Variants in UBE2E2 observed in about 807,000 individuals in gnomAD.
UBE2E2 encodes ubiquitin conjugating enzyme E2 E2.
UBE2E2 carries 6 observed loss-of-function variants against 24.7 expected under a neutral mutation model. The ratio of observed to expected loss-of-function variants is 0.24; its 90% CI spans 0.13 to 0.48. The LOEUF (loss-of-function observed/expected upper bound fraction) is 0.48, where lower values mean the gene tolerates loss of function less well. UBE2E2 is among the 20% of genes least tolerant of loss of function. The probability of loss-of-function intolerance (pLI) is 0.99; values close to 1 mark genes in which losing one functional copy is unlikely to be tolerated. For missense variants in UBE2E2, 169 were observed against 245.0 expected (o/e 0.69, Z 2.07); for synonymous variants, 104 against 83.6 (o/e 1.24, Z -1.33).
At chr3:23,520,982 C>G (rs1040543764) in intron 4 of UBE2E2, among the ~76,000 whole-genome samples, 31 of 152,112 alleles carry the variant, frequency 2.0e-4, no homozygotes, top group Admixed American at 2.0e-3. Context: ...TAGTTTACTT[C>G]TACACTTTTG....
At chr3:23,373,497 C>T (rs1696445417) in intron 3 of UBE2E2, among the ~76,000 whole-genome samples, 1 of 152,000 alleles carries the variant, frequency 6.6e-6, no homozygotes, top group African/African-American at 2.4e-5. Flanking sequence ...CCTAAGACAC[C>T]AAAGTGAAAA....
chr3:23,283,658 G>A (rs1698535283), intron 3 of UBE2E2, among the ~76,000 whole-genome samples: 1 of 152,138 alleles, frequency 6.6e-6, no homozygotes. Context: ...GTATTAGCTG[G>A]TGGAGGATCG....
intron 3 of UBE2E2, among the ~76,000 whole-genome samples, chr3:23,240,512 G>A (rs1697231559): frequency 6.6e-6 from 1 of 152,158 alleles, no homozygotes; most frequent in Admixed American, 6.5e-5. Context: ...CAAGTTATTT[G>A]GTTTAGGGAG....
chr3:23,356,305 C>T (rs1348865125), intron 3 of UBE2E2, among the ~76,000 whole-genome samples: 1 of 152,130 alleles, frequency 6.6e-6, no homozygotes, highest in Non-Finnish European at 1.5e-5. Context: ...AAGAGTCACA[C>T]GTAACAAATC....
chr3:23,239,518 T>G (rs1697204303), intron 3 of UBE2E2, among the ~76,000 whole-genome samples: 1 of 152,194 alleles, frequency 6.6e-6, no homozygotes, highest in Non-Finnish European at 1.5e-5. Context: ...TTTGTATAAA[T>G]GGAATCATAC....
intron 3 of UBE2E2, among the ~76,000 whole-genome samples, chr3:23,457,136 G>A (rs1698696612): frequency 6.6e-6 from 1 of 152,154 alleles, no homozygotes; most frequent in Admixed American, 6.5e-5. Flanking sequence ...TGGAGTAAAG[G>A]CAGCACCCGA....
chr3:23,460,447 C>T (rs1057436498), intron 3 of UBE2E2, among the ~76,000 whole-genome samples: 2 of 152,152 alleles, frequency 1.3e-5, no homozygotes, highest in Admixed American at 6.5e-5. Flanking sequence ...ATGGCACCTA[C>T]ATTATGGGTT....
intron 4 of UBE2E2, among the ~76,000 whole-genome samples, chr3:23,505,349 G>A (rs1014162198): frequency 2.0e-5 from 3 of 152,092 alleles, no homozygotes; most frequent in African/African-American, 7.2e-5. Context: ...CTGTCTCCCT[G>A]TGAATCTGTA....
intron 3 of UBE2E2, among the ~76,000 whole-genome samples, chr3:23,482,385 A>G (rs1699276245): frequency 1.3e-5 from 2 of 152,020 alleles, no homozygotes; most frequent in Non-Finnish European, 2.9e-5. Context: ...ATCTCTTTCC[A>G]CCAGGATATT....
At chr3:23,526,294 GTAAAGGAACATGGGACAGAAAAATGT>G (rs1694996217) in intron 4 of UBE2E2, among the ~76,000 whole-genome samples, 2 of 152,146 alleles carry the variant, frequency 1.3e-5, no homozygotes, top group Admixed American at 1.3e-4. Flanking sequence ...GGAAAATTTA[GTAAAGGAACATGGGACAGAAAAATGT>G]TAAAGAGATC....
chr3:23,441,167 T>C (rs1698294390), intron 3 of UBE2E2, among the ~76,000 whole-genome samples: 1 of 151,932 alleles, frequency 6.6e-6, no homozygotes, highest in Non-Finnish European at 1.5e-5. Context: ...AAAACTAATA[T>C]CCACCCTGCA....
rs558616242 is a variant in UBE2E2 at position 23,432,284 on chromosome 3, G to A, written c.228-67324G>A. Reference sequence around the variant, plus strand: ...TAATTGGTTAATGCATTAAGATTGTGAGCTGAAAGGTATCATAAGTGCAAT... The same window carrying A: ...TAATTGGTTAATGCATTAAGATTGTAAGCTGAAAGGTATCATAAGTGCAAT... On this transcript the variant is annotated intron_variant, in intron 3 of 5. Transcript: ENST00000396703. 5.7e-4 allele frequency among the ~76,000 whole-genome samples: 86 copies of A among 152,162 alleles called. No homozygotes were observed. The South Asian group carries it at 0.017, about 30-fold the overall frequency.
intron 3 of UBE2E2, among the ~76,000 whole-genome samples, chr3:23,459,734 C>G (rs1698767665): frequency 1.3e-5 from 2 of 152,180 alleles, no homozygotes; most frequent in African/African-American, 4.8e-5. Context: ...GAAGGTCCAC[C>G]AGCTGGTGTA....
intron 3 of UBE2E2, among the ~76,000 whole-genome samples, chr3:23,318,438 T>G (rs1694643954): frequency 6.6e-6 from 1 of 152,168 alleles, no homozygotes; most frequent in African/African-American, 2.4e-5. Context: ...CTTGAAAGTG[T>G]TTATTAGAGA....
intron 3 of UBE2E2, among the ~76,000 whole-genome samples, chr3:23,257,432 G>A (rs2125350966): frequency 7.3e-6 from 1 of 137,252 alleles, no homozygotes; most frequent in African/African-American, 2.7e-5. Flanking sequence ...CAAAATAGAT[G>A]TACTTAAGCA....
At chr3:23,252,097 G>A (rs1284458794) in intron 3 of UBE2E2, among the ~76,000 whole-genome samples, 1 of 152,118 alleles carries the variant, frequency 6.6e-6, no homozygotes, top group African/African-American at 2.4e-5. Flanking sequence ...AAAAAAATTA[G>A]TTAAACTGGA....
At chr3:23,544,806 C>T (rs1289513408) in intron 5 of UBE2E2, among the ~76,000 whole-genome samples, 2 of 152,158 alleles carry the variant, frequency 1.3e-5, no homozygotes, top group Non-Finnish European at 2.9e-5. Context: ...TATGGAGGAT[C>T]CCGCCAGCCT....
intron 3 of UBE2E2, among the ~76,000 whole-genome samples, chr3:23,313,460 C>CTGTA (rs1694472380): frequency 7.5e-6 from 1 of 133,408 alleles, no homozygotes; most frequent in Non-Finnish European, 1.5e-5. Flanking sequence ...TCTCAGCTTA[C>CTGTA]TGTAACCTCT....
At chr3:23,307,758 AG>A (rs1315337462) in intron 3 of UBE2E2, among the ~76,000 whole-genome samples, 1 of 152,202 alleles carries the variant, frequency 6.6e-6, no homozygotes, top group African/African-American at 2.4e-5. Context: ...AAAATACTAT[AG>A]GGTTTTAAAA....
Sources: allele counts gnomAD v4.1 joint callset (sites outside exome capture counted in the v4.1 genomes callset), GRCh38; gene constraint gnomAD v4.1.1; transcripts MANE v1.5; gene names NCBI Gene and HGNC (gene_info 2026-07-23, HGNC 2026-07-21).